Variants in GLRA2 observed in about 807,000 individuals in gnomAD.
GLRA2 encodes the protein glycine receptor alpha 2.
GLRA2 carries 11 observed loss-of-function variants against 31.6 expected under a neutral mutation model. The observed-to-expected ratio is 0.35, with a 90% CI of 0.22 to 0.58. The LOEUF (loss-of-function observed/expected upper bound fraction) is 0.58. Ranked by LOEUF, GLRA2 falls within the 20% of genes least tolerant of loss-of-function variation. GLRA2 has a pLI of 0.84. For synonymous variants in GLRA2, 132 were observed against 134.0 expected (o/e 0.99, Z 0.10); for missense variants, 212 against 351.8 (o/e 0.60, Z 3.18).
intron 7 of GLRA2, among the ~76,000 whole-genome samples, chrX:14,639,278 A>G (rs1013915187): frequency 2.7e-5 from 3 of 111,557 alleles, no homozygotes; most frequent in African/African-American, 6.5e-5. Context: ...GCTGAGAAAT[A>G]TGACACTGTA....
chrX:14,474,663 CTGGGATGGCTGGGATGGCTGGGATGG>C, the GLRA2 span, among the ~76,000 whole-genome samples: 1 of 21,206 alleles, frequency 4.7e-5, no homozygotes, highest in Non-Finnish European at 9.2e-5. Flanking sequence ...GCTGGGATGG[CTGGGATGGCTGGGATGGCTGGGATGG>C]CTGGGATGGC....
intron 8 of GLRA2, among the ~76,000 whole-genome samples, chrX:14,709,543 A>G (rs2091682469): frequency 8.9e-6 from 1 of 112,313 alleles, no homozygotes; most frequent in African/African-American, 3.2e-5. Context: ...CATTTTATCC[A>G]TAATTTTCCA....
chrX:14,658,443 A>G (rs2090960654), intron 7 of GLRA2, among the ~76,000 whole-genome samples: 1 of 111,774 alleles, frequency 8.9e-6, no homozygotes, highest in Non-Finnish European at 1.9e-5. Context: ...ACTTCTGATA[A>G]TCTTTCTCTC....
intron 7 of GLRA2, among the ~76,000 whole-genome samples, chrX:14,687,254 G>A (rs1250066320): frequency 9.0e-6 from 1 of 111,566 alleles, no homozygotes; most frequent in Non-Finnish European, 1.9e-5. Context: ...CTTCATTCCA[G>A]CTTTGGTGAA....
chrX:14,592,708 A>T (rs1475098722), intron 4 of GLRA2, among the ~76,000 whole-genome samples: 2 of 111,910 alleles, frequency 1.8e-5, no homozygotes, highest in African/African-American at 6.5e-5. Flanking sequence ...TTACACAATG[A>T]CAAATACTCA....
chrX:14,522,485 A>T, the GLRA2 span, among the ~76,000 whole-genome samples: 2 of 112,092 alleles, frequency 1.8e-5, no homozygotes, highest in South Asian at 3.7e-4. Flanking sequence ...ATGAATCACA[A>T]ATGTTCTTAA....
the GLRA2 span, among the ~76,000 whole-genome samples, chrX:14,521,303 C>T: frequency 8.9e-6 from 1 of 111,743 alleles, no homozygotes; most frequent in Non-Finnish European, 1.9e-5. Context: ...GTGGTGGGCA[C>T]CATTCCATAG....
At chrX:14,454,195 CACA>C in the GLRA2 span, among the ~76,000 whole-genome samples, 5 of 49,429 alleles carry the variant, frequency 1.0e-4, no homozygotes, top group South Asian at 1.1e-3. Flanking sequence ...CACCCACACA[CACA>C]CACACACACA....
At chrX:14,463,639 C>T in the GLRA2 span, among the ~76,000 whole-genome samples, 5 of 111,168 alleles carry the variant, frequency 4.5e-5, no homozygotes, top group Non-Finnish European at 9.5e-5. Context: ...GCTGCACTAG[C>T]AGTGAGCAAG....
chrX:14,500,965 C>A, the GLRA2 span, among the ~76,000 whole-genome samples: 2 of 109,646 alleles, frequency 1.8e-5, no homozygotes. Context: ...CACTTAATAT[C>A]ATTTCAATCA....
the GLRA2 span, among the ~76,000 whole-genome samples, chrX:14,463,868 G>A: frequency 1.8e-5 from 2 of 111,529 alleles, no homozygotes; most frequent in African/African-American, 3.3e-5. Context: ...CACCCTCCGT[G>A]GGCTGCACAC....
intron 8 of GLRA2, among the ~76,000 whole-genome samples, chrX:14,724,635 A>AAAAAAAAAAC (rs2091908590): frequency 2.5e-5 from 1 of 40,694 alleles, no homozygotes; most frequent in African/African-American, 6.6e-5. Flanking sequence ...TCAAAAAAAA[A>AAAAAAAAAAC]AAAAAAAAAA....
At chrX:14,683,121 G>C (rs1236941552) in intron 7 of GLRA2, among the ~76,000 whole-genome samples, 3 of 111,819 alleles carry the variant, frequency 2.7e-5, no homozygotes, top group Non-Finnish European at 5.6e-5. Flanking sequence ...TTGAGGAATC[G>C]CCACACTGTC....
intron 7 of GLRA2, among the ~76,000 whole-genome samples, chrX:14,667,723 T>C (rs986172861): frequency 1.8e-5 from 2 of 111,208 alleles, no homozygotes; most frequent in Non-Finnish European, 3.8e-5. Context: ...GAAAAAAAAA[T>C]CAAATTTTTC....
At chrX:14,594,479 T>C (rs753289451) in intron 4 of GLRA2, among the ~76,000 whole-genome samples, 1 of 111,807 alleles carries the variant, frequency 8.9e-6, no homozygotes, top group Non-Finnish European at 1.9e-5. Context: ...GACTTTGAAA[T>C]GTAAAATGTA....
chrX:14,508,366 G>A, the GLRA2 span, among the ~76,000 whole-genome samples: 5 of 112,204 alleles, frequency 4.5e-5, no homozygotes, highest in Non-Finnish European at 9.4e-5. Context: ...CATTGGCGGA[G>A]GAGAGGAGGG....
chrX:14,573,999 G>C (rs1250188231), intron 2 of GLRA2, among the ~76,000 whole-genome samples: 1 of 110,858 alleles, frequency 9.0e-6, no homozygotes, highest in Non-Finnish European at 1.9e-5. Context: ...CGCTGTTGAT[G>C]TCTACAATGT....
At chrX:14,726,722 C>T (rs1042663615) in intron 8 of GLRA2, among the ~76,000 whole-genome samples, 11 of 112,285 alleles carry the variant, frequency 9.8e-5, no homozygotes, top group Non-Finnish European at 1.9e-4. Flanking sequence ...TTTTAGCTGT[C>T]CATTCACAGT....
chrX:14,493,710 T>A, the GLRA2 span, among the ~76,000 whole-genome samples: 1 of 98,448 alleles, frequency 1.0e-5, no homozygotes, highest in East Asian at 3.0e-4. Flanking sequence ...TGTATACACA[T>A]GTATACATAT....
Sources: gnomAD v4.1 joint callset for allele counts (sites outside exome capture counted in the v4.1 genomes callset) on GRCh38, gnomAD v4.1.1 for gene constraint, MANE v1.5 for transcripts, NCBI Gene and HGNC (gene_info 2026-07-23, HGNC 2026-07-21) for gene names.